POLR3B: variants seen among roughly 807,000 people sequenced by gnomAD.
POLR3B encodes the protein RNA polymerase III subunit B.
POLR3B carries 96 observed loss-of-function variants against 147.4 expected under a neutral mutation model. The ratio of observed to expected loss-of-function variants is 0.65; its 90% CI spans 0.55 to 0.77. The LOEUF is 0.77. POLR3B is among the 30% of genes least tolerant of loss of function. The pLI is 0.00. For missense variants in POLR3B, 1,036 were observed against 1,413.5 expected (o/e 0.73, Z 4.28); for synonymous variants, 461 against 485.9 (o/e 0.95, Z 0.67).
At chr12:106,365,196 G>A (rs1343029413) in intron 2 of POLR3B, among the ~76,000 whole-genome samples, 1 of 152,138 alleles carries the variant, frequency 6.6e-6, no homozygotes, top group African/African-American at 2.4e-5. Context: ...CTAGAGTTCA[G>A]TTGCGTGTTA....
intron 12 of POLR3B, among the ~76,000 whole-genome samples, chr12:106,420,376 A>C (rs910013258): frequency 2.0e-5 from 3 of 152,052 alleles, no homozygotes; most frequent in African/African-American, 7.2e-5. Flanking sequence ...AGTAGTTCAG[A>C]TCTTTTTCTT....
chr12:106,432,246 T>C (rs757965800), intron 14 of POLR3B, 72 bp from the exon 15 acceptor site: 8 of 1,392,984 alleles, frequency 5.7e-6, no homozygotes, highest in Non-Finnish European at 7.1e-6. Context: ...AGTAGTGAGC[T>C]ATTTTCAGAT....
intron 18 of POLR3B, among the ~76,000 whole-genome samples, chr12:106,442,241 T>C (rs2037662257): frequency 6.6e-6 from 1 of 152,120 alleles, no homozygotes; most frequent in Non-Finnish European, 1.5e-5. Flanking sequence ...TTATGTATGT[T>C]GTCACCATAA....
At chr12:106,472,565 T>A (rs2038108518) in intron 23 of POLR3B, among the ~76,000 whole-genome samples, 1 of 151,376 alleles carries the variant, frequency 6.6e-6, no homozygotes, top group African/African-American at 2.4e-5. Flanking sequence ...CTAACTGGTG[T>A]GAGATGATAT....
At chr12:106,502,633 A>G (rs1192864766) in intron 26 of POLR3B, among the ~76,000 whole-genome samples, 11 of 152,094 alleles carry the variant, frequency 7.2e-5, no homozygotes, top group Admixed American at 7.2e-4. Context: ...TTTTAAGCCA[A>G]GGGAGAGGTG....
chr12:106,498,612 G>A (rs543416445), intron 25 of POLR3B, among the ~76,000 whole-genome samples: 39 of 140,206 alleles, frequency 2.8e-4, no homozygotes, highest in Non-Finnish European at 5.6e-4. Context: ...ACAGAGCTTC[G>A]CTCTTATTGC....
At chr12:106,388,506 C>T (rs563182813) in intron 9 of POLR3B, among the ~76,000 whole-genome samples, 9 of 152,128 alleles carry the variant, frequency 5.9e-5, no homozygotes, top group Non-Finnish European at 8.8e-5. Context: ...TTAGTAGAGA[C>T]GGGGTTTCTC....
At chr12:106,478,139 T>G (rs983891962) in intron 23 of POLR3B, among the ~76,000 whole-genome samples, 2 of 151,854 alleles carry the variant, frequency 1.3e-5, no homozygotes, top group Non-Finnish European at 2.9e-5. Flanking sequence ...ATTCCTCAGC[T>G]CAGGCAATCC....
At chr12:106,430,962 G>A (rs985284440) in intron 14 of POLR3B, among the ~76,000 whole-genome samples, 2 of 152,106 alleles carry the variant, frequency 1.3e-5, no homozygotes, top group African/African-American at 4.8e-5. Context: ...GAGTTTACAT[G>A]GGTTTACTTC....
chr12:106,508,986 A>G (rs2038732770), intron 27 of POLR3B, among the ~76,000 whole-genome samples: 1 of 152,268 alleles, frequency 6.6e-6, no homozygotes, highest in South Asian at 2.1e-4. Context: ...ATATACTGCT[A>G]GTATAGTTGA....
At chr12:106,496,537 G>C (rs761723575) in intron 24 of POLR3B, 1 of 609,106 alleles carries the variant, frequency 1.6e-6, no homozygotes, top group South Asian at 2.0e-5. Flanking sequence ...CCATACTTCA[G>C]TTTCTTCATC....
chr12:106,507,124 G>T (rs75509525), intron 27 of POLR3B, among the ~76,000 whole-genome samples: 1 of 152,134 alleles, frequency 6.6e-6, no homozygotes, highest in African/African-American at 2.4e-5. Context: ...ACTTCAGGAA[G>T]AAGAAAATCC....
At chr12:106,498,051 A>G (rs1278230261) in intron 25 of POLR3B, among the ~76,000 whole-genome samples, 1 of 152,174 alleles carries the variant, frequency 6.6e-6, no homozygotes, top group Non-Finnish European at 1.5e-5. Context: ...CATTTATTGA[A>G]AAAAGGAATG....
At chr12:106,498,331 G>T (rs2038531870) in intron 25 of POLR3B, among the ~76,000 whole-genome samples, 1 of 152,206 alleles carries the variant, frequency 6.6e-6, no homozygotes. Context: ...GGGTGGAGGG[G>T]AAGAAGAGCC....
At chr12:106,495,531 T>C (rs2038465814) in intron 23 of POLR3B, among the ~76,000 whole-genome samples, 1 of 152,194 alleles carries the variant, frequency 6.6e-6, no homozygotes, top group Non-Finnish European at 1.5e-5. Context: ...AGCCTATAGG[T>C]AGACCTGTTA....
At chr12:106,433,940 C>G in intron 16 of POLR3B, 68 bp downstream of exon 16, 2 of 1,322,646 alleles carry the variant, frequency 1.5e-6, no homozygotes, top group Non-Finnish European at 2.2e-6. Context: ...AAGAAATAGA[C>G]TTGTTTTTAT....
intron 23 of POLR3B, among the ~76,000 whole-genome samples, chr12:106,490,434 C>T (rs760038016): frequency 1.3e-5 from 2 of 152,174 alleles, no homozygotes; most frequent in African/African-American, 2.4e-5. Flanking sequence ...TGTCTTCTAG[C>T]GCCTCCTCTC....
At chr12:106,396,694 A>G (rs2036984230) in intron 10 of POLR3B, among the ~76,000 whole-genome samples, 1 of 152,226 alleles carries the variant, frequency 6.6e-6, no homozygotes, top group South Asian at 2.1e-4. Context: ...GTTTTGAAGC[A>G]TGAAAAAGGA....
At chr12:106,428,854 G>A (rs11112988) in intron 13 of POLR3B, among the ~76,000 whole-genome samples, 2 of 152,100 alleles carry the variant, frequency 1.3e-5, no homozygotes, top group Non-Finnish European at 2.9e-5. Context: ...CAAAGTGATC[G>A]ATCTTCACTA....
Sources: gnomAD v4.1 joint callset for allele counts (sites outside exome capture counted in the v4.1 genomes callset) on GRCh38, gnomAD v4.1.1 for gene constraint, MANE v1.5 for transcripts, NCBI Gene and HGNC (gene_info 2026-07-23, HGNC 2026-07-21) for gene names.